Variants in RAP1GAP2 observed in about 807,000 individuals in gnomAD.
RAP1GAP2 encodes the protein rap1 GTPase-activating protein 2.
Under a neutral mutation model 95.0 loss-of-function variants are expected in RAP1GAP2, and 27 were observed. The ratio of observed to expected loss-of-function variants is 0.28; its 90% confidence interval spans 0.21 to 0.39. The LOEUF (loss-of-function observed/expected upper bound fraction) is 0.39, where lower values mean the gene tolerates loss of function less well. RAP1GAP2 is among the 10% of genes least tolerant of loss of function. The pLI, the probability that RAP1GAP2 is intolerant of heterozygous loss-of-function variation, is 1.00. For synonymous variants in RAP1GAP2, 373 were observed against 380.9 expected (o/e 0.98, Z 0.24); for missense variants, 771 against 970.0 (o/e 0.79, Z 2.72).
chr17:2,919,898 G>T (rs1420018393), intron 3 of RAP1GAP2, among the ~76,000 whole-genome samples: 3 of 151,876 alleles, frequency 2.0e-5, no homozygotes. Flanking sequence ...ATGGGGTTTC[G>T]CCATGTTGGC....
intron 4 of RAP1GAP2, among the ~76,000 whole-genome samples, chr17:2,959,922 C>T (rs937603328): frequency 2.0e-5 from 3 of 152,026 alleles, no homozygotes; most frequent in Admixed American, 6.6e-5. Flanking sequence ...GTCAGGAGTT[C>T]GAGACCAGCC....
intron 2 of RAP1GAP2, among the ~76,000 whole-genome samples, chr17:2,890,245 T>A (rs2151693771): frequency 6.6e-6 from 1 of 152,230 alleles, no homozygotes; most frequent in Non-Finnish European, 1.5e-5. Flanking sequence ...GCTTCATGCA[T>A]TTGTCTTTCT....
intron 2 of RAP1GAP2, among the ~76,000 whole-genome samples, chr17:2,873,297 C>G (rs183447039): frequency 0.14 from 11,269 of 79,956 alleles, 1,071 homozygotes; most frequent in East Asian, 0.57. Context: ...CTATCTCTAC[C>G]AAAAATACAA....
chr17:2,769,931 G>C (rs2068354662), intron 1 of RAP1GAP2, among the ~76,000 whole-genome samples: 2 of 151,970 alleles, frequency 1.3e-5, no homozygotes, highest in African/African-American at 4.8e-5. Context: ...AAATTAGCGA[G>C]GCGTGGTGGT....
At chr17:2,954,721 G>A (rs1055768431) in intron 3 of RAP1GAP2, among the ~76,000 whole-genome samples, 11 of 152,000 alleles carry the variant, frequency 7.2e-5, no homozygotes, top group Admixed American at 4.6e-4. Context: ...AGCCTCCCAA[G>A]TAGCTCAGAT....
intron 8 of RAP1GAP2, among the ~76,000 whole-genome samples, chr17:2,972,183 G>T (rs1186612792): frequency 6.6e-6 from 1 of 152,118 alleles, no homozygotes; most frequent in East Asian, 1.9e-4. Context: ...AATTGAAAAA[G>T]TTCTCAAAGA....
intron 2 of RAP1GAP2, among the ~76,000 whole-genome samples, chr17:2,882,142 T>TTTGAGATG (rs2073328001): frequency 1.5e-5 from 2 of 136,476 alleles, no homozygotes; most frequent in Non-Finnish European, 3.2e-5. Context: ...TTTTTTTAAT[T>TTTGAGATG]TTGAGATGTA....
rs2046034199 is a variant in RAP1GAP2, at chr17:2,998,271, A to G, written c.1095A>G (p.Gln365=). Residue 365 remains glutamine, a synonymous_variant, in exon 14 of 25, where the codon CAA becomes CAG. Transcript: ENST00000254695. The part of the protein sequence containing the change: ...IGNDIVAIIF[Q]EENTPFVPDM... Reference sequence around the variant, plus strand: ...ATGACATCGTGGCCATCATCTTCCAAGAGGAAAACACGCCGTTTGTCCCAG... The same window carrying G: ...ATGACATCGTGGCCATCATCTTCCAGGAGGAAAACACGCCGTTTGTCCCAG... The G allele has an allele frequency of 1.2e-6, 2 of 1,614,030 alleles. No individual in the cohort carries two copies. Among genetic ancestry groups the G allele is most frequent in the Non-Finnish European group, 1.7e-6 (2 of 1,179,876 alleles).
intron 11 of RAP1GAP2, among the ~76,000 whole-genome samples, chr17:2,990,283 C>G (rs140330271): frequency 3.7e-4 from 57 of 152,340 alleles, no homozygotes; most frequent in African/African-American, 1.3e-3. Flanking sequence ...TATGGTGACT[C>G]TATGATTAGC....
chr17:2,997,939 G>GA lies in RAP1GAP2; in HGVS notation c.1045-272dup, dbSNP rs68149165. On this transcript the variant is annotated intron_variant, in intron 13 of 24. Coordinates refer to ENST00000254695, the MANE Select transcript of RAP1GAP2 (RefSeq NM_015085.5). ...CCCTGTCTCAAAAAAAAAAAAAAAA[G>GA]AAAAAAAAAAGATTGAAAGAAGAAC... Among the ~76,000 whole-genome samples, 59 of 131,628 alleles carry GA rather than the reference G, an allele frequency of 4.5e-4. 1 individual carries two copies. The highest frequency in any genetic ancestry group is 1.1e-3 in the African/African-American group (39 of 36,270). 86.4% of individuals were successfully genotyped at this position (131,628 alleles called of 152,430 possible).
intron 17 of RAP1GAP2, among the ~76,000 whole-genome samples, chr17:3,011,606 A>G (rs2046546415): frequency 1.4e-5 from 2 of 144,720 alleles, no homozygotes; most frequent in Non-Finnish European, 3.0e-5. Flanking sequence ...TCTTCCTGTC[A>G]AAGTTTTTTT....
At chr17:2,905,233 G>A (rs1214007004) in intron 2 of RAP1GAP2, 51 bp from the exon 3 acceptor site, 2 of 1,547,048 alleles carry the variant, frequency 1.3e-6, no homozygotes, top group Non-Finnish European at 1.8e-6. Context: ...TTGGAGGAGA[G>A]AAGGGAAGGC....
At chr17:2,886,135 ATGTGTGTGTGTG>A (rs140784056) in intron 2 of RAP1GAP2, among the ~76,000 whole-genome samples, 3 of 130,552 alleles carry the variant, frequency 2.3e-5, no homozygotes, top group Admixed American at 8.3e-5. Flanking sequence ...ATATGTATTT[ATGTGTGTGTGTG>A]TGTGTGTGTG....
In RAP1GAP2 at chr17:3,037,364, A is replaced by ACCCCCCC. The variant is rs753386734; in HGVS notation, c.*4010_*4016dup. On this transcript the variant is annotated 3_prime_UTR_variant, in exon 25 of 25. Transcript: ENST00000254695. ...ACATTTCTGCTTGGAAGTGTGAACT[A>ACCCCCCC]CCCCCCCCCCCCCGCTTCCTGCTCC... 3.4e-5 allele frequency: 1 copy of ACCCCCCC among 29,746 alleles called. No individual in the cohort carries two copies. The allele number at this position is 29,746 out of a possible 1,614,324, so 1.8% of individuals were successfully genotyped here. A position where few individuals can be genotyped will look rare whatever the true frequency, so the allele number is the denominator to read the frequency against.
intron 2 of RAP1GAP2, among the ~76,000 whole-genome samples, chr17:2,829,280 G>T (rs1490122781): frequency 6.6e-6 from 1 of 152,060 alleles, no homozygotes; most frequent in African/African-American, 2.4e-5. Flanking sequence ...TACCATGCCC[G>T]GCCAATTACT....
rs1017995354 is a variant in RAP1GAP2 at position 2,777,589 on chromosome 17, C to A, written c.-14+311C>A. On this transcript the variant is annotated intron_variant, in intron 1 of 24. Transcript: ENST00000540393. Reference sequence around the variant, plus strand: ...GGGGTCCGTGTAGACTGTCCTCTGGCTTTGCCAGCACCAGGTGCTGTGTGT... The same window carrying A: ...GGGGTCCGTGTAGACTGTCCTCTGGATTTGCCAGCACCAGGTGCTGTGTGT... Among the ~76,000 whole-genome samples, 4 of 152,206 alleles carry A rather than the reference C, an allele frequency of 2.6e-5. No homozygotes were observed. The East Asian group carries it at 7.7e-4, about 29-fold the overall frequency.
chr17:2,876,896 T>C (rs2151656047), intron 2 of RAP1GAP2, among the ~76,000 whole-genome samples: 1 of 150,556 alleles, frequency 6.6e-6, no homozygotes. Flanking sequence ...CTTTTTTTTT[T>C]TTTTTTTTCT....
rs200341721 is a variant in RAP1GAP2, at chr17:3,030,791, G to A, written c.2108-131G>A. The stretch of plus-strand genomic sequence containing the variant: ...AGTTGGCTCTCGTGGGTCGGCACAG[G>A]TCAGCTAGGGTGCCTGGTCCTGGTG... On this transcript the variant is annotated intron_variant, in intron 22 of 24. Coordinates refer to ENST00000254695, the MANE Select transcript of RAP1GAP2 (RefSeq NM_015085.5). The A allele has an allele frequency of 4.2e-4, 350 of 830,160 alleles. 1 individual carries two copies. In the East Asian group the frequency reaches 9.3e-3, roughly 22 times the overall value. The allele number at this position is 830,160 out of a possible 1,614,324, so 51.4% of individuals were successfully genotyped here. A position where few individuals can be genotyped will look rare whatever the true frequency, so the allele number is the denominator to read the frequency against.
chr17:2,990,416 T>C (rs1195709821), intron 11 of RAP1GAP2, among the ~76,000 whole-genome samples: 1 of 152,214 alleles, frequency 6.6e-6, no homozygotes, highest in East Asian at 1.9e-4. Flanking sequence ...CTTTGGTATA[T>C]GCCTGGGAGT....
Sources: allele counts gnomAD v4.1 joint callset (sites outside exome capture counted in the v4.1 genomes callset), GRCh38; gene constraint gnomAD v4.1.1; transcripts MANE v1.5; gene names NCBI Gene and HGNC (gene_info 2026-07-23, HGNC 2026-07-21).